Variants in SLC9B2 observed in about 807,000 individuals in gnomAD.
SLC9B2 encodes the protein solute carrier family 9 member B2.
Under a neutral mutation model 52.2 loss-of-function variants are expected in SLC9B2, and 39 were observed. The ratio of observed to expected loss-of-function variants is 0.75; its 90% confidence interval spans 0.58 to 0.98. The LOEUF (loss-of-function observed/expected upper bound fraction) is 0.98. Among genes scored for constraint, SLC9B2 ranks in the 50% least tolerant of loss-of-function variants. The pLI, the probability that SLC9B2 is intolerant of heterozygous loss-of-function variation, is 0.00. For missense variants in SLC9B2, 626 were observed against 637.5 expected, an observed-to-expected ratio of 0.98 and a Z score of 0.19; for synonymous variants, 214 against 227.0, an observed-to-expected ratio of 0.94 and a Z score of 0.51.
At chr4:103,051,330 A>T (rs1291559477) in intron 4 of SLC9B2, among the ~76,000 whole-genome samples, 1 of 152,240 alleles carries the variant, frequency 6.6e-6, no homozygotes, top group African/African-American at 2.4e-5. Flanking sequence ...CTTCTCCAGC[A>T]GTGCCCTCTT....
rs1464614580 is a variant in SLC9B2, at chr4:103,024,094, C to A, written c.*2276G>T. Among the ~76,000 whole-genome samples the A allele has an allele frequency of 6.6e-6, 1 of 152,164 alleles. No homozygotes were observed. Among genetic ancestry groups the A allele is most frequent in the Non-Finnish European group, 1.5e-5 (1 of 68,036 alleles). On this transcript the variant is annotated 3_prime_UTR_variant, in exon 12 of 12. Transcript: ENST00000394785. Reference sequence around the variant, plus strand: ...GCTCCTGCCATGAGCTCCCTAGCAGCCCTGTAGTTCCTGCATAATAGCACT... The same window carrying A: ...GCTCCTGCCATGAGCTCCCTAGCAGACCTGTAGTTCCTGCATAATAGCACT...
At chr4:103,042,220 T>A (rs1244842202) in intron 9 of SLC9B2, 1 of 152,120 alleles carries the variant, frequency 6.6e-6, no homozygotes, top group African/African-American at 2.4e-5. Context: ...CGTTTCCATA[T>A]TTTCCATATG....
intron 1 of SLC9B2, among the ~76,000 whole-genome samples, chr4:103,071,194 A>G (rs566992656): frequency 6.6e-6 from 1 of 151,356 alleles, no homozygotes; most frequent in Admixed American, 6.6e-5. Flanking sequence ...ATATATATAT[A>G]TTTTGTTGTT....
Position 103,072,056 on chromosome 4 carries a change from G to GTTTTTTTTTTTTTTTTTTTTTTTT in SLC9B2, c.-43+4127_-43+4128insAAAAAAAAAAAAAAAAAAAAAAAA, listed in dbSNP as rs779979130. ...CAAAATTTTCAAGTTTGGCTTTCAT[G>GTTTTTTTTTTTTTTTTTTTTTTTT]TTTTTTTTTTTTTTTTTTTTGAGGT... On this transcript the variant is annotated intron_variant, in intron 1 of 11. Transcript: ENST00000394785. Among the ~76,000 whole-genome samples, 32 of 95,324 alleles carry GTTTTTTTTTTTTTTTTTTTTTTTT rather than the reference G, an allele frequency of 3.4e-4. 4 individuals are homozygous for GTTTTTTTTTTTTTTTTTTTTTTTT. Among genetic ancestry groups the GTTTTTTTTTTTTTTTTTTTTTTTT allele is most frequent in the African/African-American group, 9.6e-4 (21 of 21,822 alleles). The allele number at this position is 95,324 out of a possible 152,430, so 62.5% of individuals were successfully genotyped here.
Position 103,066,329 on chromosome 4 carries a change from T to G in SLC9B2, c.269A>C (p.Asn90Thr). Residue 90 changes from asparagine to threonine, a missense_variant and splice_region_variant, in exon 3 of 12, where the codon AAT becomes ACT. Physicochemically the swap from Asn to Thr is moderately conservative, Grantham distance 65. Transcript: ENST00000394785. The stretch of plus-strand genomic sequence containing the variant: ...TCTCTTTCTGAATTCATCCTTACCA[T>G]TTGTTATGACCCTGTCCAGTAAACC... Reference protein sequence around the residue: ...PHGLLDRVITNVTIIVLLWAV... With the variant: ...PHGLLDRVITTVTIIVLLWAV... 6.2e-7 allele frequency: 1 copy of G among 1,608,806 alleles called. No homozygotes were observed. The highest frequency in any genetic ancestry group is 8.5e-7 in the Non-Finnish European group (1 of 1,177,178).
At chr4:103,048,817 G>A in intron 6 of SLC9B2, 76 bp downstream of exon 6, 3 of 1,508,852 alleles carry the variant, frequency 2.0e-6, no homozygotes, top group Non-Finnish European at 2.7e-6. Flanking sequence ...ATTCTATTAT[G>A]CATTCTCTTG....
rs538721515 is a variant in SLC9B2, at chr4:103,024,163, C to T, written c.*2207G>A. Among the ~76,000 whole-genome samples, 1 of 152,140 alleles carries T rather than the reference C, an allele frequency of 6.6e-6. No homozygotes were observed. The highest frequency in any genetic ancestry group is 1.5e-5 in the Non-Finnish European group (1 of 68,016). On this transcript the variant is annotated 3_prime_UTR_variant, in exon 12 of 12. Transcript: ENST00000394785. ...TGTCTTGTTTAACTGTCTGTTTTCT[C>T]TATTGGACTGTTAAATCCTTAAGGA...
chr4:103,019,081 G>A (rs918026852), downstream of SLC9B2, among the ~76,000 whole-genome samples: 2 of 152,132 alleles, frequency 1.3e-5, no homozygotes, highest in African/African-American at 4.8e-5. Context: ...GTGCCAAAAA[G>A]GTTGGGGACT....
At chr4:103,036,783 G>A (rs1743219066) in intron 9 of SLC9B2, among the ~76,000 whole-genome samples, 1 of 151,368 alleles carries the variant, frequency 6.6e-6, no homozygotes, top group Admixed American at 6.6e-5. Flanking sequence ...TTTTTGGAGG[G>A]CAATTGAGCA....
chr4:103,052,141 A>AT (rs1325750348), intron 4 of SLC9B2, among the ~76,000 whole-genome samples: 3 of 152,104 alleles, frequency 2.0e-5, no homozygotes, highest in Non-Finnish European at 2.9e-5. Context: ...GTGGAAGACG[A>AT]TTTTTCCACT....
At chr4:103,047,377 ATTGTTTT>A in intron 6 of SLC9B2, 151 bp from the exon 7 acceptor site, 1 of 727,776 alleles carries the variant, frequency 1.4e-6, no homozygotes. Flanking sequence ...TTTAATAAGA[ATTGTTTT>A]TTGTTTTTTT....
At chr4:103,066,545 A>G (rs1315511029) in intron 2 of SLC9B2, 38 bp from the exon 3 acceptor site, 2 of 1,571,656 alleles carry the variant, frequency 1.3e-6, no homozygotes, top group Admixed American at 1.8e-5. Context: ...TTAAAACTGT[A>G]TATATTTTAC....
chr4:103,033,666 A>T (rs1241885529), intron 9 of SLC9B2, among the ~76,000 whole-genome samples: 3 of 152,178 alleles, frequency 2.0e-5, no homozygotes, highest in Non-Finnish European at 4.4e-5. Context: ...TACACAAATA[A>T]CGTACAAGCT....
chr4:103,064,851 A>G (rs1017467457), intron 3 of SLC9B2, among the ~76,000 whole-genome samples: 2 of 152,216 alleles, frequency 1.3e-5, no homozygotes, highest in African/African-American at 4.8e-5. Flanking sequence ...TGATGTTAAA[A>G]TTATCTTTAT....
At chr4:103,036,552 C>CAT (rs1306593638) in intron 9 of SLC9B2, among the ~76,000 whole-genome samples, 2 of 149,454 alleles carry the variant, frequency 1.3e-5, no homozygotes, top group East Asian at 3.9e-4. Context: ...ATGGGCAAAA[C>CAT]ATATGCACAA....
chr4:103,018,081 AC>A (rs1741488840), downstream of SLC9B2, among the ~76,000 whole-genome samples: 1 of 152,224 alleles, frequency 6.6e-6, no homozygotes, highest in Non-Finnish European at 1.5e-5. Flanking sequence ...TGTTCCAGGT[AC>A]TATTCAATCT....
chr4:103,041,461 A>G (rs1433988914), intron 9 of SLC9B2, among the ~76,000 whole-genome samples: 2 of 152,194 alleles, frequency 1.3e-5, no homozygotes, highest in African/African-American at 4.8e-5. Flanking sequence ...TCTGAATAAC[A>G]GTGTAATCGG....
In SLC9B2 at chr4:103,026,590, G is replaced by C. The variant is rs781352055; in HGVS notation, c.1394C>G (p.Ala465Gly). ...FAWLPKATVQAAIGSVALDTA... is the reference protein window; with the variant it reads ...FAWLPKATVQGAIGSVALDTA... ...GTCCAAAGCCACAGATCCTATTGCA[G>C]CCTATAAAAGTTTAAGGGTAAAAAT... The change falls in exon 12 of 12, where the codon GCT becomes GGT. Residue 465 changes from alanine (A) to glycine (G), a missense_variant and splice_region_variant. By Grantham distance (60) the Ala-to-Gly change is moderately conservative (BLOSUM62 0). Transcript: ENST00000394785. 2 of 1,605,112 alleles carry C rather than the reference G, an allele frequency of 1.2e-6. No individual in the cohort carries two copies. Among genetic ancestry groups the C allele is most frequent in the Non-Finnish European group, 1.7e-6 (2 of 1,174,768 alleles).
chr4:103,022,775 A>G lies in SLC9B2; in HGVS notation c.*3595T>C, dbSNP rs1281379573. Among the ~76,000 whole-genome samples the G allele has an allele frequency of 1.3e-5, 2 of 152,220 alleles. No homozygotes were observed. The highest frequency in any genetic ancestry group is 2.9e-5 in the Non-Finnish European group (2 of 68,034). Reference sequence around the variant, plus strand: ...TTCATATGTTGAAGCCTTAACTTCCAATGTGATGTATTTAGATATGAGGAT... The same window carrying G: ...TTCATATGTTGAAGCCTTAACTTCCGATGTGATGTATTTAGATATGAGGAT... On this transcript the variant is annotated 3_prime_UTR_variant, in exon 12 of 12. Coordinates refer to ENST00000394785, the MANE Select transcript of SLC9B2 (RefSeq NM_178833.7).
Sources: allele counts gnomAD v4.1 joint callset (sites outside exome capture counted in the v4.1 genomes callset), GRCh38; gene constraint gnomAD v4.1.1; transcripts MANE v1.5; gene names NCBI Gene and HGNC (gene_info 2026-07-23, HGNC 2026-07-21).